Variants in FKBP15 observed in about 807,000 individuals in gnomAD.
The protein encoded by FKBP15 is FKBP prolyl isomerase family member 15.
A neutral mutation model predicts 158.1 loss-of-function variants in FKBP15; 106 were observed. The observed-to-expected ratio is 0.67, with a 90% CI of 0.57 to 0.79. The LOEUF (loss-of-function observed/expected upper bound fraction) is 0.79, where lower values mean the gene tolerates loss of function less well. Ranked by LOEUF, FKBP15 falls within the 30% of genes least tolerant of loss-of-function variation. The pLI is 0.00. For synonymous variants in FKBP15, 547 were observed against 548.6 expected (o/e 1.00, Z 0.04); for missense variants, 1,287 against 1,479.1 (o/e 0.87, Z 2.13).
At chr9:113,197,123 C>A in intron 8 of FKBP15, 45 bp from the exon 9 acceptor site, 1 of 1,599,136 alleles carries the variant, frequency 6.3e-7, no homozygotes, top group South Asian at 1.1e-5. Context: ...AGAAGCTCCT[C>A]AGAAGACAAA....
At position 113,162,899 on chromosome 9, in the gene FKBP15, A is replaced by C. The variant is rs201396206; in HGVS notation, c.*3179T>G. The C allele has an allele frequency of 1.9e-6, 3 of 1,609,894 alleles. No homozygotes were observed. The highest frequency in any genetic ancestry group is 2.5e-6 in the Non-Finnish European group (3 of 1,178,518). On this transcript the variant is annotated 3_prime_UTR_variant, in exon 28 of 28. Transcript: ENST00000238256. ...CTGTGGGCTACTACCTAGCTTACCC[A>C]CTTCTCAGCACAGCTTAGCTGGTGA...
At chr9:113,199,115 T>C (rs964298274) in intron 7 of FKBP15, among the ~76,000 whole-genome samples, 192 bp from the exon 8 acceptor site, 9 of 152,212 alleles carry the variant, frequency 5.9e-5, no homozygotes, top group African/African-American at 2.2e-4. Flanking sequence ...TGAATATCTC[T>C]GAAACAGTAA....
At position 113,164,499 on chromosome 9, in the gene FKBP15, A is replaced by G. The variant is rs1830068375; in HGVS notation, c.*1579T>C. ...GCGGGCAGAAGCAAATATAATAGCC[A>G]CTAGTTAATTTACAATAAGAAATAA... On this transcript the variant is annotated 3_prime_UTR_variant, in exon 28 of 28. Transcript: ENST00000238256. 6.6e-6 allele frequency: 1 copy of G among 152,268 alleles called. No homozygotes were observed. The highest frequency in any genetic ancestry group is 2.4e-5 in the African/African-American group (1 of 41,462). The allele number at this position is 152,268 out of a possible 1,614,324, so 9.4% of individuals were successfully genotyped here.
At chr9:113,208,801 G>A (rs953729464) in intron 2 of FKBP15, among the ~76,000 whole-genome samples, 8 of 152,060 alleles carry the variant, frequency 5.3e-5, no homozygotes, top group Admixed American at 1.3e-4. Flanking sequence ...GTGGTCAGGA[G>A]TTTGAGACCA....
intron 9 of FKBP15, 41 bp from the exon 10 acceptor site, chr9:113,194,210 G>C: frequency 6.8e-7 from 1 of 1,468,322 alleles, no homozygotes; most frequent in Non-Finnish European, 9.3e-7. Context: ...GGTGGGAATT[G>C]AACAATGAGA....
chr9:113,196,540 C>T (rs10981681), intron 9 of FKBP15, among the ~76,000 whole-genome samples: 8,338 of 152,108 alleles, frequency 0.055, 281 homozygotes, highest in South Asian at 0.13. Context: ...CATGCCACCA[C>T]GCCTGGCTAA....
At chr9:113,191,158 T>C (rs1002802925) in intron 11 of FKBP15, among the ~76,000 whole-genome samples, 33 of 151,990 alleles carry the variant, frequency 2.2e-4, no homozygotes, top group African/African-American at 7.2e-4. Flanking sequence ...GAAATGATCA[T>C]AACCTCCATT....
At position 113,192,314 on chromosome 9, in the gene FKBP15, G is replaced by C. The variant is rs16926542; in HGVS notation, c.1065+1178C>G. Reference sequence around the variant, plus strand: ...TAAACAAGTAAACTAGGGTTGCAGAGATATTAGCACCAATTTCACTCCATG... The same window carrying C: ...TAAACAAGTAAACTAGGGTTGCAGACATATTAGCACCAATTTCACTCCATG... On this transcript the variant is annotated intron_variant, in intron 11 of 27. Coordinates refer to ENST00000238256, the MANE Select transcript of FKBP15 (RefSeq NM_015258.2). Among the ~76,000 whole-genome samples, 200 of 152,328 alleles carry C rather than the reference G, an allele frequency of 1.3e-3. 1 individual carries two copies. Among genetic ancestry groups the C allele is most frequent in the African/African-American group, 4.4e-3 (183 of 41,570 alleles).
chr9:113,210,524 G>T (rs1336636295), intron 2 of FKBP15, among the ~76,000 whole-genome samples: 1 of 152,088 alleles, frequency 6.6e-6, no homozygotes, highest in Admixed American at 6.6e-5. Context: ...GTAGAGACAG[G>T]GTTTCACCAT....
In FKBP15 at chr9:113,174,509, C is replaced by G; in HGVS notation, c.2298G>C (p.Lys766Asn). 1.9e-6 allele frequency: 3 copies of G among 1,614,000 alleles called. No homozygotes were observed. Among genetic ancestry groups the G allele is most frequent in the South Asian group, 1.1e-5 (1 of 91,082 alleles). The change falls in exon 22 of 28, where the codon AAG becomes AAC. Residue 766 changes from lysine (K) to asparagine (N), a missense_variant. Transcript: ENST00000238256. ...GTTTGTCCAATTCCTCCTGGTATGA[C>G]TTGCGAATTTCATCTATCTCCTCCT... ...QAEEEIDEIR[K>N]SYQEELDKLR... is the part of the protein sequence containing the mutation.
chr9:113,192,788 C>T (rs1311846462), intron 11 of FKBP15, among the ~76,000 whole-genome samples: 2 of 152,148 alleles, frequency 1.3e-5, no homozygotes, highest in African/African-American at 4.8e-5. Context: ...CTCCATTTTA[C>T]ACATGAGGAA....
chr9:113,206,629 G>T, intron 3 of FKBP15, 51 bp from the exon 4 acceptor site: 1 of 1,438,178 alleles, frequency 7.0e-7, no homozygotes. Context: ...AAATTCTGCA[G>T]AACCAGCTTT....
At chr9:113,199,110 A>G (rs1213798650) in intron 7 of FKBP15, among the ~76,000 whole-genome samples, 187 bp from the exon 8 acceptor site, 1 of 152,204 alleles carries the variant, frequency 6.6e-6, no homozygotes, top group Non-Finnish European at 1.5e-5. Context: ...TATAATGAAT[A>G]TCTCTGAAAC....
chr9:113,212,666 G>A (rs1831033247), intron 1 of FKBP15, among the ~76,000 whole-genome samples: 1 of 152,124 alleles, frequency 6.6e-6, no homozygotes, highest in Non-Finnish European at 1.5e-5. Context: ...GCAATCCCTG[G>A]CTTGTTTTGC....
chr9:113,196,634 C>T (rs576521820), intron 9 of FKBP15, among the ~76,000 whole-genome samples: 2 of 152,118 alleles, frequency 1.3e-5, no homozygotes, highest in Non-Finnish European at 2.9e-5. Context: ...CTGCCCACCT[C>T]GGCCTCCCAA....
chr9:113,166,577 A>G (rs1421347310), intron 27 of FKBP15, among the ~76,000 whole-genome samples: 2 of 152,216 alleles, frequency 1.3e-5, no homozygotes, highest in Non-Finnish European at 2.9e-5. Context: ...GGAAGAAGAC[A>G]ATCACATATG....
chr9:113,199,278 G>GC (rs1160780153), intron 7 of FKBP15, among the ~76,000 whole-genome samples: 1 of 151,910 alleles, frequency 6.6e-6, no homozygotes, highest in East Asian at 1.9e-4. Context: ...ATTCACAAAT[G>GC]GAAAAAAATA....
At chr9:113,213,953 A>C (rs1831069081) in intron 1 of FKBP15, among the ~76,000 whole-genome samples, 1 of 152,024 alleles carries the variant, frequency 6.6e-6, no homozygotes, top group Non-Finnish European at 1.5e-5. Flanking sequence ...TTTTTTTTAG[A>C]GACAGGGTCT....
intron 6 of FKBP15, 84 bp downstream of exon 6, chr9:113,202,447 T>C (rs954972351): frequency 6.7e-6 from 7 of 1,042,754 alleles, no homozygotes; most frequent in Non-Finnish European, 9.9e-6. Flanking sequence ...CAGCAGATTA[T>C]GGGTTTTCTA....
Sources: gnomAD v4.1 joint callset for allele counts (sites outside exome capture counted in the v4.1 genomes callset) on GRCh38, gnomAD v4.1.1 for gene constraint, MANE v1.5 for transcripts, NCBI Gene and HGNC (gene_info 2026-07-23, HGNC 2026-07-21) for gene names.